Variants in RELCH observed in about 807,000 individuals in gnomAD.
RELCH encodes the protein RAB11 binding and LisH domain, coiled-coil and HEAT repeat containing, also known as RAB11-binding protein RELCH.
RELCH carries 41 observed loss-of-function variants against 150.3 expected under a neutral mutation model. That is an observed-to-expected ratio of 0.27 (90% CI 0.21 to 0.35). RELCH has a LOEUF of 0.35. Among genes scored for constraint, RELCH ranks in the 10% least tolerant of loss-of-function variants. RELCH has a pLI of 1.00. For missense variants in RELCH, 1,092 were observed against 1,467.8 expected (o/e 0.74, Z 4.18); for synonymous variants, 478 against 531.8 (o/e 0.90, Z 1.39).
intron 23 of RELCH, 146 bp from the exon 24 acceptor site, chr18:62,280,500 T>G: frequency 6.7e-7 from 1 of 1,503,652 alleles, no homozygotes; most frequent in African/African-American, 1.4e-5. Flanking sequence ...AGCATTCTTC[T>G]TGGTCTGCTT....
Position 62,255,424 on chromosome 18 carries a change from A to G in RELCH, c.1842A>G (p.Pro614=). The G allele has an allele frequency of 6.2e-7, 1 of 1,610,532 alleles. No homozygotes were observed. The change falls in exon 13 of 29, where the codon CCA becomes CCG. Residue 614 remains proline, a synonymous_variant. Coordinates refer to ENST00000644646, the MANE Select transcript of RELCH (RefSeq NM_001346231.2). ...QCWEQINHKY[P]ERRLLVAESC... is the part of the protein sequence containing the mutation. ...TGCTCTAGATTAATCACAAATACCCAGAAAGACGACTGCTTGTGGCAGAAT... is the reference window on the plus strand; with the variant it reads ...TGCTCTAGATTAATCACAAATACCCGGAAAGACGACTGCTTGTGGCAGAAT...
chr18:62,253,056 A>C (rs1226102169), intron 12 of RELCH, among the ~76,000 whole-genome samples: 2 of 152,186 alleles, frequency 1.3e-5, no homozygotes, highest in Admixed American at 1.3e-4. Context: ...AAACAAAGAA[A>C]TGGTCTGCTA....
At chr18:62,264,389 A>G (rs965259640) in intron 17 of RELCH, among the ~76,000 whole-genome samples, 4 of 152,016 alleles carry the variant, frequency 2.6e-5, no homozygotes, top group African/African-American at 9.7e-5. Context: ...TGGATTTTAA[A>G]CTACATCTAG....
chr18:62,234,008 A>G (rs2041738903), intron 10 of RELCH, among the ~76,000 whole-genome samples: 1 of 151,908 alleles, frequency 6.6e-6, no homozygotes, highest in Non-Finnish European at 1.5e-5. Flanking sequence ...TAAAAAATAT[A>G]TATTTCATGA....
At position 62,310,090 on chromosome 18, in the gene RELCH, TATA is replaced by T. The variant is rs767419464; in HGVS notation, c.*4562_*4564del. ...AATGTACATTGCTGAGTAATATAAA[TATA>T]ATAATTTCTCATTGACTTTATGATT... On this transcript the variant is annotated 3_prime_UTR_variant, in exon 29 of 29. Coordinates refer to ENST00000644646, the MANE Select transcript of RELCH (RefSeq NM_001346231.2). 1.1e-4 allele frequency: 8 copies of T among 70,524 alleles called. No individual in the cohort carries two copies. Among genetic ancestry groups the T allele is most frequent in the Non-Finnish European group, 1.6e-4 (5 of 31,550 alleles). The allele number at this position is 70,524 out of a possible 1,614,324, so 4.4% of individuals were successfully genotyped here. A position where few individuals can be genotyped will look rare whatever the true frequency, so the allele number is the denominator to read the frequency against.
At chr18:62,199,496 C>G (rs1358494368) in intron 1 of RELCH, among the ~76,000 whole-genome samples, 2 of 152,032 alleles carry the variant, frequency 1.3e-5, no homozygotes, top group African/African-American at 4.8e-5. Flanking sequence ...TAATATTGTG[C>G]CTGGCATACA....
intron 1 of RELCH, among the ~76,000 whole-genome samples, chr18:62,191,710 G>T (rs2038654506): frequency 6.6e-6 from 1 of 152,138 alleles, no homozygotes; most frequent in Non-Finnish European, 1.5e-5. Context: ...TGCCTGCAAA[G>T]GACATGATCC....
rs754209690 is a variant in RELCH, at chr18:62,221,112, G to A, written c.688+4G>A. On this transcript the variant is annotated splice_donor_region_variant and intron_variant, in intron 3 of 28. Transcript: ENST00000644646. The stretch of plus-strand genomic sequence containing the variant: ...GCCAACCTGACAAAGGCCGCAGGTG[G>A]TGTACATAAAACTTTTTTGAGACTT... 4.3e-6 allele frequency: 7 copies of A among 1,612,902 alleles called. No individual in the cohort carries two copies. The highest frequency in any genetic ancestry group is 5.9e-6 in the Non-Finnish European group (7 of 1,179,386).
In RELCH at chr18:62,287,509, A is replaced by C. The variant is rs745629558; in HGVS notation, c.3370+42A>C. The C allele has an allele frequency of 2.2e-5, 22 of 1,001,430 alleles. No homozygotes were observed. The Admixed American group carries it at 4.0e-4, about 18-fold the overall frequency. 62.0% of individuals were successfully genotyped at this position (1,001,430 alleles called of 1,614,324 possible). A position where few individuals can be genotyped will look rare whatever the true frequency, so the allele number is the denominator to read the frequency against. ...AAGGTGTATCTACATTTATGTAACC[A>C]ATCTTAGAGTGGAACTTGGTTGGTA... is the stretch of plus-strand genomic sequence containing the variant. On this transcript the variant is annotated intron_variant, in intron 26 of 28. Coordinates refer to ENST00000644646, the MANE Select transcript of RELCH (RefSeq NM_001346231.2).
intron 1 of RELCH, among the ~76,000 whole-genome samples, chr18:62,195,187 T>A (rs1428008034): frequency 6.6e-6 from 1 of 152,212 alleles, no homozygotes; most frequent in South Asian, 2.1e-4. Context: ...GGATAAATTC[T>A]TGTAGCATCG....
intron 1 of RELCH, among the ~76,000 whole-genome samples, chr18:62,210,642 A>G (rs1301796753): frequency 6.6e-6 from 1 of 152,226 alleles, no homozygotes; most frequent in Non-Finnish European, 1.5e-5. Flanking sequence ...TACTAGCTAT[A>G]ATAAAATCTT....
chr18:62,280,598 CGTT>C (rs766242629), intron 23 of RELCH, 45 bp from the exon 24 acceptor site: 55 of 1,419,620 alleles, frequency 3.9e-5, no homozygotes, highest in South Asian at 8.1e-5. Context: ...TAATAATACT[CGTT>C]GTTCATCTCA....
chr18:62,236,303 T>C (rs576239136), intron 10 of RELCH, among the ~76,000 whole-genome samples: 13 of 152,128 alleles, frequency 8.5e-5, no homozygotes, highest in Admixed American at 1.3e-4. Flanking sequence ...ATTCATGAGA[T>C]ACATCCCATT....
chr18:62,270,436 T>C (rs17646035), intron 20 of RELCH, among the ~76,000 whole-genome samples: 1 of 152,030 alleles, frequency 6.6e-6, no homozygotes, highest in African/African-American at 2.4e-5. Context: ...TCTCAAAGCA[T>C]AGTAGTAATT....
At chr18:62,240,967 CT>C (rs2042121401) in intron 10 of RELCH, among the ~76,000 whole-genome samples, 1 of 151,988 alleles carries the variant, frequency 6.6e-6, no homozygotes, top group African/African-American at 2.4e-5. Flanking sequence ...GTAAGTCTGC[CT>C]TTCTTTATGG....
chr18:62,273,936 A>G (rs375782668), intron 20 of RELCH, 44 bp from the exon 21 acceptor site: 2 of 1,196,028 alleles, frequency 1.7e-6, no homozygotes, highest in Non-Finnish European at 2.5e-6. Context: ...ATTTAGTTCT[A>G]CTTGATTGTT....
At chr18:62,273,205 TAAC>T (rs2044004486) in intron 20 of RELCH, among the ~76,000 whole-genome samples, 1 of 152,040 alleles carries the variant, frequency 6.6e-6, no homozygotes, top group Non-Finnish European at 1.5e-5. Context: ...TAGGTTAATT[TAAC>T]ATAAAACATT....
chr18:62,275,400 T>G lies in RELCH; in HGVS notation c.2894T>G (p.Leu965Arg). ...GCAAACCCAGCCTACCATGAGTTAC[T>G]ATTAACTGTTTTGTGGTATGGTGTT... Reference protein sequence around the residue: ...LGANPAYHELLLTVLWYGVVH... With the variant: ...LGANPAYHELRLTVLWYGVVH... The change falls in exon 22 of 29, where the codon CTA becomes CGA. Residue 965 changes from leucine (L) to arginine (R), a missense_variant. Around this residue, in one of 4 missense-constraint regions of RELCH, gnomAD observed 707 missense variants for 1,025.4 expected, o/e 0.69. Transcript: ENST00000644646. The G allele has an allele frequency of 6.4e-7, 1 of 1,566,878 alleles. No individual in the cohort carries two copies. The highest frequency in any genetic ancestry group is 8.6e-7 in the Non-Finnish European group (1 of 1,163,610).
At chr18:62,230,993 G>C (rs2041531518) in intron 8 of RELCH, among the ~76,000 whole-genome samples, 1 of 151,948 alleles carries the variant, frequency 6.6e-6, no homozygotes, top group South Asian at 2.1e-4. Flanking sequence ...ACCAGTTACT[G>C]TTGATTTTTT....
Sources: gnomAD v4.1 joint callset for allele counts (sites outside exome capture counted in the v4.1 genomes callset) on GRCh38, gnomAD v4.1.1 for gene constraint, gnomAD v4.1.1 regional missense constraint, MANE v1.5 for transcripts, NCBI Gene and HGNC (gene_info 2026-07-23, HGNC 2026-07-21) for gene names.